EYS: variants seen among roughly 807,000 people sequenced by gnomAD.
EYS encodes EGF-like photoreceptor maintenance factor.
In EYS, 250 loss-of-function variants were observed where a neutral mutation model predicts 282.1. The observed-to-expected ratio is 0.89, with a 90% CI of 0.80 to 0.98. The LOEUF (loss-of-function observed/expected upper bound fraction) is 0.98. EYS is among the 50% of genes least tolerant of loss of function. The pLI, the probability that EYS is intolerant of heterozygous loss-of-function variation, is 0.00. For missense variants in EYS, 4,016 were observed against 3,709.0 expected, an observed-to-expected ratio of 1.08 and a Z score of -2.15; for synonymous variants, 1,355 against 1,282.9, an observed-to-expected ratio of 1.06 and a Z score of -1.20.
chr6:64,242,656 C>T (rs77939619), intron 30 of EYS, among the ~76,000 whole-genome samples: 5,548 of 151,594 alleles, frequency 0.037, 243 homozygotes, highest in African/African-American at 0.1. Context: ...TTGGTTTCAT[C>T]GGCCTGGAAT....
chr6:63,742,634 C>T (rs1300398887), intron 41 of EYS, among the ~76,000 whole-genome samples: 3 of 152,090 alleles, frequency 2.0e-5, no homozygotes, highest in African/African-American at 7.2e-5. Context: ...ACAAAAACCC[C>T]TTTTTTCAGA....
At chr6:65,272,623 A>C (rs1481496604) in intron 12 of EYS, among the ~76,000 whole-genome samples, 3 of 152,174 alleles carry the variant, frequency 2.0e-5, no homozygotes. Context: ...CAAAATCTGT[A>C]TTAGTTATGG....
At chr6:65,428,537 T>G (rs111856021) in intron 5 of EYS, among the ~76,000 whole-genome samples, 107 of 152,004 alleles carry the variant, frequency 7.0e-4, no homozygotes, top group Middle Eastern at 3.4e-3. Flanking sequence ...TGAGGTTAAG[T>G]AACTATCCAA....
chr6:64,610,357 A>G (rs1290822652), intron 24 of EYS, among the ~76,000 whole-genome samples: 1 of 151,640 alleles, frequency 6.6e-6, no homozygotes, highest in African/African-American at 2.4e-5. Flanking sequence ...TGAGGTGGTC[A>G]TTATTTTACC....
chr6:64,528,717 TCCTG>T (rs1476027575), intron 26 of EYS, among the ~76,000 whole-genome samples: 11 of 151,928 alleles, frequency 7.2e-5, no homozygotes, highest in Non-Finnish European at 1.5e-5. Context: ...CTCTAATTAC[TCCTG>T]GGTAATTTAA....
intron 1 of EYS, among the ~76,000 whole-genome samples, chr6:65,648,314 A>ATATGTG (rs373479571): frequency 0.038 from 5,608 of 147,868 alleles, 163 homozygotes; most frequent in Non-Finnish European, 0.055. Context: ...AAGAAAATAT[A>ATATGTG]TGTGTGTGTG....
chr6:63,859,487 T>C (rs1428992552), intron 36 of EYS, among the ~76,000 whole-genome samples: 4 of 151,980 alleles, frequency 2.6e-5, no homozygotes, highest in Non-Finnish European at 5.9e-5. Flanking sequence ...GAAGATAAGG[T>C]AAATTATTAT....
At chr6:63,894,288 AG>A (rs1773478380) in intron 35 of EYS, among the ~76,000 whole-genome samples, 1 of 152,184 alleles carries the variant, frequency 6.6e-6, no homozygotes, top group Non-Finnish European at 1.5e-5. Flanking sequence ...ATCCTGGATT[AG>A]GGTGGGTGTT....
chr6:64,708,738 G>A (rs1191582374), intron 22 of EYS, among the ~76,000 whole-genome samples: 2 of 152,120 alleles, frequency 1.3e-5, no homozygotes, highest in African/African-American at 4.8e-5. Context: ...CTCACTACAT[G>A]TATAGCATCT....
chr6:64,554,037 G>C (rs556152146), intron 26 of EYS, among the ~76,000 whole-genome samples: 1 of 152,036 alleles, frequency 6.6e-6, no homozygotes, highest in South Asian at 2.1e-4. Flanking sequence ...ATTATGAAAT[G>C]GCATCCAAAG....
intron 26 of EYS, among the ~76,000 whole-genome samples, chr6:64,534,283 T>C (rs1764450709): frequency 6.6e-6 from 1 of 151,858 alleles, no homozygotes; most frequent in East Asian, 1.9e-4. Context: ...AATTAGCTAC[T>C]AAACTTTTTT....
chr6:65,633,803 A>C (rs994925728), intron 2 of EYS, among the ~76,000 whole-genome samples: 16 of 152,208 alleles, frequency 1.1e-4, no homozygotes, highest in African/African-American at 3.9e-4. Context: ...TTTGTAAATA[A>C]AGTTTATTAA....
intron 38 of EYS, 57 bp downstream of exon 38, chr6:63,789,000 AT>A (rs1254800054): frequency 6.6e-7 from 1 of 1,508,036 alleles, no homozygotes; most frequent in Non-Finnish European, 9.0e-7. Flanking sequence ...CTTAGCACAG[AT>A]CTGACAATAT....
intron 31 of EYS, among the ~76,000 whole-genome samples, chr6:64,149,343 A>C (rs1774625055): frequency 6.6e-6 from 1 of 152,210 alleles, no homozygotes; most frequent in African/African-American, 2.4e-5. Context: ...GCTACACTGC[A>C]AGTCCTCCCA....
chr6:63,871,210 C>T (rs1018423152), intron 35 of EYS, among the ~76,000 whole-genome samples: 12 of 152,150 alleles, frequency 7.9e-5, no homozygotes, highest in African/African-American at 1.9e-4. Flanking sequence ...ATGCAAGAAG[C>T]GGCCTTGGTC....
At chr6:65,635,676 C>T (rs747401675) in intron 2 of EYS, among the ~76,000 whole-genome samples, 26 of 152,164 alleles carry the variant, frequency 1.7e-4, no homozygotes, top group Non-Finnish European at 3.2e-4. Flanking sequence ...CTTTGTAAAT[C>T]TAATGAAACA....
chr6:64,559,271 A>ATGTG (rs4034160), intron 26 of EYS, among the ~76,000 whole-genome samples: 47,503 of 142,064 alleles, frequency 0.33, 7,904 homozygotes, highest in South Asian at 0.47. Context: ...GTGTGTGTGC[A>ATGTG]TGTGTGTGTG....
intron 2 of EYS, among the ~76,000 whole-genome samples, chr6:65,569,600 G>T (rs1396343595): frequency 6.6e-6 from 1 of 152,046 alleles, no homozygotes; most frequent in Non-Finnish European, 1.5e-5. Context: ...TAAGATTGGT[G>T]CTCAAGATAT....
chr6:65,667,864 T>C (rs531256646), intron 1 of EYS, among the ~76,000 whole-genome samples: 8 of 151,862 alleles, frequency 5.3e-5, no homozygotes, highest in Non-Finnish European at 1.0e-4. Context: ...AATATGAAGA[T>C]GCTGATGTTC....
Sources: allele counts gnomAD v4.1 joint callset (sites outside exome capture counted in the v4.1 genomes callset), GRCh38; gene constraint gnomAD v4.1.1; transcripts MANE v1.5; gene names NCBI Gene and HGNC (gene_info 2026-07-23, HGNC 2026-07-21).